The following B3GNT4 variants were observed in gnomAD, a reference collection of about 807,000 sequenced individuals.
B3GNT4 encodes the protein N-acetyllactosaminide beta-1,3-N-acetylglucosaminyltransferase 4.
In B3GNT4, 2 loss-of-function variants were observed where a neutral mutation model predicts 2.7. That is an observed-to-expected ratio of 0.73 (90% confidence interval 0.30 to 2.31). The LOEUF (loss-of-function observed/expected upper bound fraction) is 2.31. B3GNT4 is among the 30% of genes most tolerant of loss of function. B3GNT4 has a pLI of 0.12. For missense variants in B3GNT4, 708 were observed against 490.9 expected (o/e 1.44, Z -4.18); for synonymous variants, 280 against 203.4 (o/e 1.38, Z -3.20).
At position 122,208,601 on chromosome 12, in the gene B3GNT4, G is replaced by A; in HGVS notation, c.*1213G>A. On this transcript the variant is annotated 3_prime_UTR_variant, in exon 3 of 3. Coordinates refer to ENST00000324189, the MANE Select transcript of B3GNT4 (RefSeq NM_030765.4). ...GCCTGCCAAAAGATGGGACAATCGG[G>A]TTGAGCAGCCGTGCAGGGCGCGGAA... The A allele has an allele frequency of 1.2e-6, 2 of 1,608,578 alleles. No individual in the cohort carries two copies. Among genetic ancestry groups the A allele is most frequent in the Admixed American group, 1.7e-5 (1 of 59,848 alleles).
rs1389340898 is a variant in B3GNT4, at chr12:122,208,132, A to C, written c.*744A>C. On this transcript the variant is annotated 3_prime_UTR_variant, in exon 3 of 3. Transcript: ENST00000324189. ...TGGGTGTGAGGTAAAAAAAATGGGT[A>C]AGAGCAGCTGTACAGAGTGGGGTGA... The C allele has an allele frequency of 4.4e-6, 3 of 677,172 alleles. No individual in the cohort carries two copies. The South Asian group carries it at 4.5e-5, about 10-fold the overall frequency. 41.9% of individuals were successfully genotyped at this position (677,172 alleles called of 1,614,324 possible).
In B3GNT4 at chr12:122,208,080, T is replaced by C. The variant is rs578169980; in HGVS notation, c.*692T>C. 129 of 608,208 alleles carry C rather than the reference T, an allele frequency of 2.1e-4. 1 individual carries two copies. The highest frequency in any genetic ancestry group is 2.0e-3 in the African/African-American group (113 of 55,180). The allele number at this position is 608,208 out of a possible 1,614,324, so 37.7% of individuals were successfully genotyped here. A position where few individuals can be genotyped will look rare whatever the true frequency, so the allele number is the denominator to read the frequency against. On this transcript the variant is annotated 3_prime_UTR_variant, in exon 3 of 3. Transcript: ENST00000324189. ...AAGGGCATGACAAAAAGGACTCCTC[T>C]CTCTGACCCAGGTAGGCAAAATGCT... is the stretch of plus-strand genomic sequence containing the variant.
chr12:122,207,662 T>C lies in B3GNT4; in HGVS notation c.*274T>C, dbSNP rs1376088031. The C allele has an allele frequency of 1.6e-5, 10 of 643,192 alleles. No homozygotes were observed. Among genetic ancestry groups the C allele is most frequent in the Non-Finnish European group, 2.6e-5 (9 of 349,472 alleles). 39.8% of individuals were successfully genotyped at this position (643,192 alleles called of 1,614,324 possible). ...TGGGACCTCAAGGAAGGAGGCTGCA[T>C]AGGACCCCAGGAGAGACGCATTTTC... On this transcript the variant is annotated 3_prime_UTR_variant, in exon 3 of 3. Coordinates refer to ENST00000324189, the MANE Select transcript of B3GNT4 (RefSeq NM_030765.4).
intron 2 of B3GNT4, chr12:122,204,936 C>T: frequency 2.0e-6 from 1 of 496,520 alleles, no homozygotes; most frequent in Non-Finnish European, 3.6e-6. Context: ...AGGCCGAGGC[C>T]GGAGGATCGC....
At chr12:122,204,242 G>A (rs1030527689) in intron 1 of B3GNT4, among the ~76,000 whole-genome samples, 4 of 151,976 alleles carry the variant, frequency 2.6e-5, no homozygotes, top group African/African-American at 9.7e-5. Flanking sequence ...ATCCGAGGCG[G>A]CTGCCGCCCA....
chr12:122,207,048 T>C lies in B3GNT4; in HGVS notation c.797T>C (p.Met266Thr). The change falls in exon 3 of 3, where the codon ATG (methionine) becomes ACG (threonine). Residue 266 changes from methionine to threonine, a missense_variant. By Grantham distance (81) the Met-to-Thr change is moderately conservative. Transcript: ENST00000324189. ...TKVKYFIPPS[M>T]YRATHYPPYA... ...GTCAAATACTTCATCCCACCCTCAATGTACAGGGCCACCCACTACCCACCC... is the reference window on the plus strand; with the variant it reads ...GTCAAATACTTCATCCCACCCTCAACGTACAGGGCCACCCACTACCCACCC... 5 of 1,613,758 alleles carry C rather than the reference T, an allele frequency of 3.1e-6. No individual in the cohort carries two copies. Among genetic ancestry groups the C allele is most frequent in the Admixed American group, 3.3e-5 (2 of 59,984 alleles).
At position 122,206,856 on chromosome 12, in the gene B3GNT4, G is replaced by C. The variant is rs778158051; in HGVS notation, c.605G>C (p.Arg202Pro). Reference protein sequence around the residue: ...NLTLKELHLQRWVVAACPQAH... With the variant: ...NLTLKELHLQPWVVAACPQAH... ...ACGCTCAAGGAGCTGCACCTGCAGC[G>C]CTGGGTGGTGGCTGCCTGCCCCCAG... The change falls in exon 3 of 3, where the codon CGC (arginine) becomes CCC (proline). Residue 202 changes from arginine to proline, a missense_variant. By Grantham distance (103) the Arg-to-Pro change is moderately radical. Coordinates refer to ENST00000324189, the MANE Select transcript of B3GNT4 (RefSeq NM_030765.4). 1 of 1,613,788 alleles carries C rather than the reference G, an allele frequency of 6.2e-7. No individual in the cohort carries two copies. Among genetic ancestry groups the C allele is most frequent in the East Asian group, 2.2e-5 (1 of 44,862 alleles).
chr12:122,206,627 T>G lies in B3GNT4; in HGVS notation c.376T>G (p.Ser126Ala). The change falls in exon 3 of 3, where the codon TCA becomes GCA. Residue 126 changes from serine (S) to alanine (A), a missense_variant. Ser to Ala is a moderately conservative substitution (Grantham distance 99). Transcript: ENST00000324189. ...KDTFLLLAIK[S>A]QPGHVERRAA... ...TACCTTCTTGCTCCTGGCCATCAAG[T>G]CACAGCCTGGTCACGTGGAGCGACG... The G allele has an allele frequency of 1.9e-6, 3 of 1,614,022 alleles. No homozygotes were observed. The highest frequency in any genetic ancestry group is 1.7e-6 in the Non-Finnish European group (2 of 1,180,034).
In B3GNT4 at chr12:122,206,731, G is replaced by C; in HGVS notation, c.480G>C (p.Gly160=). 10 of 1,607,946 alleles carry C rather than the reference G, an allele frequency of 6.2e-6. No homozygotes were observed. The highest frequency in any genetic ancestry group is 8.5e-6 in the Non-Finnish European group (10 of 1,176,506). ...GRQLKLVFLL[G]VAGSAPPAQL... ...AGCTGAAGCTGGTGTTCCTCCTAGG[G>C]GTGGCAGGATCCGCTCCCCCAGCCC... Residue 160 remains glycine, a synonymous_variant, in exon 3 of 3, where the codon GGG becomes GGC. Transcript: ENST00000324189.
Position 122,208,322 on chromosome 12 carries a change from G to A in B3GNT4, c.*934G>A. The A allele has an allele frequency of 1.9e-6, 3 of 1,580,736 alleles. No individual in the cohort carries two copies. The highest frequency in any genetic ancestry group is 1.3e-5 in the African/African-American group (1 of 74,584). On this transcript the variant is annotated 3_prime_UTR_variant, in exon 3 of 3. Coordinates refer to ENST00000324189, the MANE Select transcript of B3GNT4 (RefSeq NM_030765.4). ...GACAGTCATGCCAACCCTGGGCAGG[G>A]TGGCATCTGCCCCTGCTTTCCCCAC...
intron 2 of B3GNT4, chr12:122,205,699 C>T (rs1953904468): frequency 6.6e-6 from 1 of 152,552 alleles, no homozygotes; most frequent in Non-Finnish European, 1.5e-5. Flanking sequence ...AAGTCCCCAG[C>T]TTTCCTGCTT....
rs969293704 is a variant in B3GNT4 at position 122,208,860 on chromosome 12, T to G, written c.*1472T>G. 1 of 530,306 alleles carries G rather than the reference T, an allele frequency of 1.9e-6. No individual in the cohort carries two copies. The highest frequency in any genetic ancestry group is 2.3e-5 in the Admixed American group (1 of 42,946). 32.9% of individuals were successfully genotyped at this position (530,306 alleles called of 1,614,324 possible). A position where few individuals can be genotyped will look rare whatever the true frequency, so the allele number is the denominator to read the frequency against. On this transcript the variant is annotated 3_prime_UTR_variant, in exon 3 of 3. Coordinates refer to ENST00000324189, the MANE Select transcript of B3GNT4 (RefSeq NM_030765.4). ...ATCATCTTTATAGCTACAGAGCTTT[T>G]AGTACAGACCTTTGATTAATTTTTT...
rs747439384 is a variant in B3GNT4 at position 122,208,126 on chromosome 12, A to G, written c.*738A>G. The G allele has an allele frequency of 4.5e-6, 3 of 672,424 alleles. No individual in the cohort carries two copies. Among genetic ancestry groups the G allele is most frequent in the South Asian group, 1.5e-5 (1 of 66,418 alleles). 41.7% of individuals were successfully genotyped at this position (672,424 alleles called of 1,614,324 possible). A position where few individuals can be genotyped will look rare whatever the true frequency, so the allele number is the denominator to read the frequency against. ...ATGCTTTGGGTGTGAGGTAAAAAAA[A>G]TGGGTAAGAGCAGCTGTACAGAGTG... On this transcript the variant is annotated 3_prime_UTR_variant, in exon 3 of 3. Transcript: ENST00000324189.
rs1028257383 is a variant in B3GNT4 at position 122,204,522 on chromosome 12, C to T, written c.-97C>T. On this transcript the variant is annotated splice_region_variant and 5_prime_UTR_variant, in exon 2 of 3. Coordinates refer to ENST00000324189, the MANE Select transcript of B3GNT4 (RefSeq NM_030765.4). Reference sequence around the variant, plus strand: ...GCCCGCCCGGGCCTCTCGTCCACAGCCCGCGGTGCTCGCACACCTGAGACT... The same window carrying T: ...GCCCGCCCGGGCCTCTCGTCCACAGTCCGCGGTGCTCGCACACCTGAGACT... The T allele has an allele frequency of 2.6e-5, 28 of 1,069,548 alleles. No homozygotes were observed. Among genetic ancestry groups the T allele is most frequent in the Non-Finnish European group, 3.7e-5 (26 of 709,362 alleles). 66.3% of individuals were successfully genotyped at this position (1,069,548 alleles called of 1,614,324 possible). A position where few individuals can be genotyped will look rare whatever the true frequency, so the allele number is the denominator to read the frequency against.
At position 122,208,696 on chromosome 12, in the gene B3GNT4, G is replaced by A. The variant is rs757432015; in HGVS notation, c.*1308G>A. The A allele has an allele frequency of 1.0e-6, 1 of 958,458 alleles. No homozygotes were observed. The highest frequency in any genetic ancestry group is 1.4e-5 in the South Asian group (1 of 72,164). 59.4% of individuals were successfully genotyped at this position (958,458 alleles called of 1,614,324 possible). A position where few individuals can be genotyped will look rare whatever the true frequency, so the allele number is the denominator to read the frequency against. The stretch of plus-strand genomic sequence containing the variant: ...AACCCCTCTTGGGGTCACTTTCCTT[G>A]ACCTCCCTGTCTTCTCTCTCTGCAA... On this transcript the variant is annotated 3_prime_UTR_variant, in exon 3 of 3. Transcript: ENST00000324189.
intron 1 of B3GNT4, among the ~76,000 whole-genome samples, 187 bp from the exon 2 acceptor site, chr12:122,204,335 C>T (rs1239858333): frequency 1.3e-5 from 2 of 151,786 alleles, no homozygotes; most frequent in Admixed American, 6.6e-5. Flanking sequence ...GCTCTGGGGT[C>T]TCCGCGGCTC....
In B3GNT4 at chr12:122,206,476, G is replaced by A. The variant is rs754322330; in HGVS notation, c.225G>A (p.Arg75=). Residue 75 remains arginine, a synonymous_variant, in exon 3 of 3, where the codon CGG becomes CGA. Transcript: ENST00000324189. ...CTCCCCCAACACCCCGTCACAGCCG[G>A]TGTCCACCCAACCACACAGTGTCTA... ...FWAPPTPRHS[R]CPPNHTVSSA... is the part of the protein sequence containing the mutation. The A allele has an allele frequency of 6.2e-7, 1 of 1,614,164 alleles. No homozygotes were observed. The highest frequency in any genetic ancestry group is 8.5e-7 in the Non-Finnish European group (1 of 1,180,020).
chr12:122,207,749 G>A lies in B3GNT4; in HGVS notation c.*361G>A, dbSNP rs1234766468. 2 of 486,334 alleles carry A rather than the reference G, an allele frequency of 4.1e-6. No homozygotes were observed. Among genetic ancestry groups the A allele is most frequent in the African/African-American group, 3.9e-5 (2 of 51,272 alleles). The allele number at this position is 486,334 out of a possible 1,614,324, so 30.1% of individuals were successfully genotyped here. Reference sequence around the variant, plus strand: ...TTTGGATACAATAGAGAAACGGAAAGAAAGGAAGGAACAAGAGGCCTGTGT... The same window carrying A: ...TTTGGATACAATAGAGAAACGGAAAAAAAGGAAGGAACAAGAGGCCTGTGT... On this transcript the variant is annotated 3_prime_UTR_variant, in exon 3 of 3. Coordinates refer to ENST00000324189, the MANE Select transcript of B3GNT4 (RefSeq NM_030765.4).
In B3GNT4 at chr12:122,207,076, T is replaced by C. The variant is rs868683322; in HGVS notation, c.825T>C (p.Tyr275=). 1.2e-5 allele frequency: 20 copies of C among 1,613,898 alleles called. No individual in the cohort carries two copies. Among genetic ancestry groups the C allele is most frequent in the Middle Eastern group, 1.6e-4 (1 of 6,080 alleles). Residue 275 remains tyrosine, a synonymous_variant, in exon 3 of 3, where the codon TAT becomes TAC. Transcript: ENST00000324189. ...SMYRATHYPP[Y]AGGGGYVMSR... is the part of the protein sequence containing the mutation. ...ACAGGGCCACCCACTACCCACCCTA[T>C]GCTGGTGGGGGAGGATATGTCATGT...
Sources: allele counts gnomAD v4.1 joint callset (sites outside exome capture counted in the v4.1 genomes callset), GRCh38; gene constraint gnomAD v4.1.1; transcripts MANE v1.5; gene names NCBI Gene and HGNC (gene_info 2026-07-23, HGNC 2026-07-21).